Variants in PCDHGA6 observed in about 807,000 individuals in gnomAD.
PCDHGA6 encodes the protein protocadherin gamma-A6.
A neutral mutation model predicts 60.6 loss-of-function variants in PCDHGA6; 41 were observed. The observed-to-expected ratio is 0.68, with a 90% confidence interval of 0.53 to 0.88. The LOEUF is 0.88. PCDHGA6 is among the 40% of genes least tolerant of loss of function. The pLI, the probability that PCDHGA6 is intolerant of heterozygous loss-of-function variation, is 0.00. For missense variants in PCDHGA6, 1,312 were observed against 1,203.0 expected (o/e 1.09, Z -1.34); for synonymous variants, 594 against 524.4 (o/e 1.13, Z -1.81).
chr5:141,476,421 C>G lies in PCDHGA6; in HGVS notation c.2425-18386C>G. 1 of 1,614,026 alleles carries G rather than the reference C, an allele frequency of 6.2e-7. No homozygotes were observed. Among genetic ancestry groups the G allele is most frequent in the South Asian group, 1.1e-5 (1 of 91,066 alleles). On this transcript the variant is annotated intron_variant, in intron 1 of 3. Transcript: ENST00000517434. The surrounding 1 kb of genome is among the most constrained non-coding windows in gnomAD (Gnocchi z 7.6). ...CGAGAGGAGCTGTGTGGGACACTGC[C>G]CTCTTGCACTGTAACTCTGGAGTTG...
intron 1 of PCDHGA6, chr5:141,378,737 T>C (rs982541693): frequency 3.3e-5 from 5 of 152,152 alleles, no homozygotes; most frequent in African/African-American, 1.2e-4. Flanking sequence ...TATTGAAATA[T>C]TTCAAGAAAA....
chr5:141,422,996 C>G lies in PCDHGA6; in HGVS notation c.2424+46489C>G. 1.2e-6 allele frequency: 2 copies of G among 1,614,224 alleles called. No homozygotes were observed. The highest frequency in any genetic ancestry group is 1.7e-6 in the Non-Finnish European group (2 of 1,180,046). On this transcript the variant is annotated intron_variant, in intron 1 of 3. Coordinates refer to ENST00000517434, the MANE Select transcript of PCDHGA6 (RefSeq NM_018919.3). ...TCTGCGGAACCTGGCTACCTGGTGA[C>G]CAAGGTGGTTGCGGTGGACAAAGAT...
intron 1 of PCDHGA6, chr5:141,422,905 G>A: frequency 6.2e-7 from 1 of 1,614,260 alleles, no homozygotes; most frequent in South Asian, 1.1e-5. Flanking sequence ...GAACGACAAT[G>A]CGCCCGAGAT....
intron 1 of PCDHGA6, among the ~76,000 whole-genome samples, chr5:141,448,083 T>C (rs1020024755): frequency 2.6e-5 from 4 of 151,368 alleles, no homozygotes; most frequent in African/African-American, 9.7e-5. Context: ...CGAAATGCCA[T>C]CTTAAAAAAA....
chr5:141,384,282 C>T (rs1230546899), intron 1 of PCDHGA6: 3 of 1,613,858 alleles, frequency 1.9e-6, no homozygotes, highest in African/African-American at 1.3e-5. Flanking sequence ...CAGTCTACAT[C>T]GCTGAGAACA....
intron 1 of PCDHGA6, chr5:141,412,460 G>C (rs2095557510): frequency 1.3e-5 from 2 of 152,244 alleles, no homozygotes; most frequent in South Asian, 4.1e-4. Flanking sequence ...AACTATTCTA[G>C]AAGAGTACTT....
At chr5:141,464,558 A>G (rs1276921889) in intron 1 of PCDHGA6, among the ~76,000 whole-genome samples, 2 of 152,176 alleles carry the variant, frequency 1.3e-5, no homozygotes, top group Non-Finnish European at 2.9e-5. Context: ...CCCATCTTGC[A>G]TTCCTACAAA....
At chr5:141,502,866 C>CTTT (rs549047197) in intron 2 of PCDHGA6, among the ~76,000 whole-genome samples, 3 of 128,046 alleles carry the variant, frequency 2.3e-5, no homozygotes, top group African/African-American at 9.3e-5. Context: ...GACTCTCTGT[C>CTTT]TTTTTTTTTT....
At chr5:141,481,811 G>T (rs1050821120) in intron 1 of PCDHGA6, among the ~76,000 whole-genome samples, 3 of 151,892 alleles carry the variant, frequency 2.0e-5, no homozygotes, top group Admixed American at 1.3e-4. Flanking sequence ...AATTCACCAG[G>T]CGTGGTGGCT....
In PCDHGA6 at chr5:141,476,875, C is replaced by T; in HGVS notation, c.2425-17932C>T. On this transcript the variant is annotated intron_variant, in intron 1 of 3. Coordinates refer to ENST00000517434, the MANE Select transcript of PCDHGA6 (RefSeq NM_018919.3). The surrounding 1 kb of genome is among the most constrained non-coding windows in gnomAD (Gnocchi z 7.6). ...ACCAGTCCTTGTACCGGGCGCGCGT[C>T]CTGGAGGATGCACCCTCCGGCACGC... 2 of 1,613,928 alleles carry T rather than the reference C, an allele frequency of 1.2e-6. No homozygotes were observed. Among genetic ancestry groups the T allele is most frequent in the Non-Finnish European group, 1.7e-6 (2 of 1,180,044 alleles).
In PCDHGA6 at chr5:141,432,896, G is replaced by A. The variant is rs2097547014; in HGVS notation, c.2424+56389G>A. On this transcript the variant is annotated intron_variant, in intron 1 of 3. Transcript: ENST00000517434. This position sits in a 1 kb window ranked among gnomAD's most constrained non-coding sequence, Gnocchi z 6.0. ...CCTGGCCTTCGTCATCTTGCTGCTG[G>A]CGCTCAGGCTGCGGCGCTGGCACAA... is the stretch of plus-strand genomic sequence containing the variant. 6.2e-7 allele frequency: 1 copy of A among 1,614,056 alleles called. No homozygotes were observed. Among genetic ancestry groups the A allele is most frequent in the African/African-American group, 1.3e-5 (1 of 74,946 alleles).
chr5:141,422,746 T>G (rs763386007), intron 1 of PCDHGA6: 1 of 1,611,014 alleles, frequency 6.2e-7, no homozygotes, highest in Non-Finnish European at 8.5e-7. Context: ...CTCCTATGTC[T>G]CTATTAACTC....
At chr5:141,397,241 A>G (rs907539043) in intron 1 of PCDHGA6, among the ~76,000 whole-genome samples, 1 of 152,232 alleles carries the variant, frequency 6.6e-6, no homozygotes, top group Admixed American at 6.5e-5. Context: ...AGAGCAACGT[A>G]GTAGGGTATA....
Position 141,375,806 on chromosome 5 carries a change from G to C in PCDHGA6, c.1723G>C (p.Val575Leu), listed in dbSNP as rs1223554303. 6.2e-7 allele frequency: 1 copy of C among 1,614,088 alleles called. No homozygotes were observed. The highest frequency in any genetic ancestry group is 1.3e-5 in the African/African-American group (1 of 74,956). The change falls in exon 1 of 4, where the codon GTG (valine) becomes CTG (leucine). Residue 575 changes from valine to leucine, a missense_variant. Coordinates refer to ENST00000517434, the MANE Select transcript of PCDHGA6 (RefSeq NM_018919.3). ...CCTCCCCACAGACGGTTCCACTGGC[G>C]TGGAGCTGGCGCCCCGCTCCGCAGA... The part of the protein sequence containing the change: ...PALPTDGSTG[V>L]ELAPRSAEPG...
chr5:141,423,236 C>G, intron 1 of PCDHGA6: 1 of 1,613,920 alleles, frequency 6.2e-7, no homozygotes, highest in Non-Finnish European at 8.5e-7. Flanking sequence ...GACAGCATCC[C>G]CGAAGTCCTG....
chr5:141,506,177 G>T (rs1024892091), intron 3 of PCDHGA6, among the ~76,000 whole-genome samples: 4 of 152,142 alleles, frequency 2.6e-5, no homozygotes, highest in African/African-American at 9.7e-5. Context: ...TAAGCTGGGC[G>T]TGGTGGCTCA....
At chr5:141,427,266 G>A (rs753905641) in intron 1 of PCDHGA6, 15 of 456,620 alleles carry the variant, frequency 3.3e-5, no homozygotes, top group Non-Finnish European at 5.7e-5. Context: ...CATGACCAGC[G>A]AATGTAAAAT....
intron 1 of PCDHGA6, chr5:141,400,135 G>A (rs773410293): frequency 6.2e-7 from 1 of 1,614,074 alleles, no homozygotes; most frequent in Non-Finnish European, 8.5e-7. Flanking sequence ...GGTGCTGCCG[G>A]ATATCACTGA....
At chr5:141,420,742 A>G (rs967908996) in intron 1 of PCDHGA6, among the ~76,000 whole-genome samples, 3 of 152,372 alleles carry the variant, frequency 2.0e-5, no homozygotes, top group African/African-American at 7.2e-5. Context: ...AATCAATTGG[A>G]ACCAACTACA....
Sources: gnomAD v4.1 joint callset for allele counts (sites outside exome capture counted in the v4.1 genomes callset) on GRCh38, gnomAD v4.1.1 for gene constraint, Gnocchi (gnomAD v3.1) non-coding constraint, MANE v1.5 for transcripts, NCBI Gene and HGNC (gene_info 2026-07-23, HGNC 2026-07-21) for gene names.